Variants in RBPJ observed in about 807,000 individuals in gnomAD.
The protein encoded by RBPJ is recombining binding protein suppressor of hairless.
A neutral mutation model predicts 67.8 loss-of-function variants in RBPJ; 9 were observed. The ratio of observed to expected loss-of-function variants is 0.13; its 90% confidence interval spans 0.08 to 0.23. RBPJ has a LOEUF of 0.23. Among genes scored for constraint, RBPJ ranks in the 10% least tolerant of loss-of-function variants. RBPJ has a pLI of 1.00. For synonymous variants in RBPJ, 198 were observed against 203.3 expected (o/e 0.97, Z 0.22); for missense variants, 305 against 595.6 (o/e 0.51, Z 5.08).
At chr4:26,280,501 C>T (rs200667595) in intron 1 of RBPJ, among the ~76,000 whole-genome samples, 2 of 151,780 alleles carry the variant, frequency 1.3e-5, no homozygotes, top group East Asian at 3.9e-4. Flanking sequence ...CTTAAGGAGA[C>T]CATACTTTTT....
chr4:26,109,523 C>CATATAT, the RBPJ span, among the ~76,000 whole-genome samples: 505 of 44,190 alleles, frequency 0.011, 19 homozygotes, highest in Non-Finnish European at 0.02. Context: ...TACACACACA[C>CATATAT]ATATATATAT....
At chr4:26,281,667 G>C (rs1441007455) in intron 1 of RBPJ, among the ~76,000 whole-genome samples, 2 of 152,258 alleles carry the variant, frequency 1.3e-5, no homozygotes, top group Admixed American at 1.3e-4. Flanking sequence ...ATTCTTTGCA[G>C]TCACTTTTAG....
intron 1 of RBPJ, among the ~76,000 whole-genome samples, chr4:26,354,175 C>T (rs1455018970): frequency 6.6e-6 from 1 of 152,050 alleles, no homozygotes; most frequent in Non-Finnish European, 1.5e-5. Flanking sequence ...TCGTGATCCA[C>T]CCGCCTCGGC....
rs1331232999 is a variant in RBPJ, at chr4:26,430,481, A to G, written c.1107A>G (p.Leu369=). ...CAGGACAGAATTTCACTCCAAATTTACGAGTGTGGTTTGGGGATGTAGAAG... is the reference window on the plus strand; with the variant it reads ...CAGGACAGAATTTCACTCCAAATTTGCGAGTGTGGTTTGGGGATGTAGAAG... ...ELTGQNFTPN[L]RVWFGDVEAE... is the part of the protein sequence containing the mutation. Residue 369 remains leucine, a synonymous_variant, in exon 10 of 11, where the codon TTA becomes TTG. Coordinates refer to ENST00000355476, the MANE Select transcript of RBPJ (RefSeq NM_015874.6). The surrounding 1 kb of genome is among the most constrained non-coding windows in gnomAD (Gnocchi z 4.1). 1.2e-6 allele frequency: 2 copies of G among 1,608,246 alleles called. No individual in the cohort carries two copies. Among genetic ancestry groups the G allele is most frequent in the East Asian group, 2.2e-5 (1 of 44,854 alleles).
chr4:26,217,995 AT>A (rs952159112), intron 1 of RBPJ, among the ~76,000 whole-genome samples: 4 of 152,184 alleles, frequency 2.6e-5, no homozygotes, highest in Non-Finnish European at 5.9e-5. Context: ...AGACCGGGGC[AT>A]TTCCACCTTA....
intron 1 of RBPJ, among the ~76,000 whole-genome samples, chr4:26,245,460 G>A (rs1719897943): frequency 6.6e-6 from 1 of 152,036 alleles, no homozygotes; most frequent in Admixed American, 6.6e-5. Flanking sequence ...ACCTGCCTCA[G>A]ACTCCCAAAG....
intron 2 of RBPJ, among the ~76,000 whole-genome samples, chr4:26,398,278 C>G (rs915470002): frequency 4.6e-5 from 7 of 152,156 alleles, no homozygotes; most frequent in African/African-American, 1.4e-4. Flanking sequence ...CCTCTTCCCT[C>G]TCTCCCACAC....
the RBPJ span, among the ~76,000 whole-genome samples, chr4:26,109,660 C>CTATA: frequency 3.6e-5 from 3 of 84,346 alleles, no homozygotes; most frequent in Non-Finnish European, 7.3e-5. Context: ...CTCTCTCTCT[C>CTATA]TCTCTCTCTA....
intron 1 of RBPJ, among the ~76,000 whole-genome samples, chr4:26,256,692 T>C (rs1252320673): frequency 6.6e-6 from 1 of 152,200 alleles, no homozygotes; most frequent in Admixed American, 6.5e-5. Flanking sequence ...TCAGTATCAG[T>C]TGTAAGGACG....
intron 1 of RBPJ, among the ~76,000 whole-genome samples, chr4:26,180,655 A>G (rs1716951282): frequency 1.3e-5 from 2 of 152,214 alleles, no homozygotes; most frequent in South Asian, 4.1e-4. Context: ...CAAAGGCCTC[A>G]TCTCCCAATA....
At chr4:26,147,584 C>T in the RBPJ span, among the ~76,000 whole-genome samples, 1 of 152,178 alleles carries the variant, frequency 6.6e-6, no homozygotes, top group African/African-American at 2.4e-5. Flanking sequence ...GAGTGAAACT[C>T]CCAAAGGAGG....
chr4:26,362,654 C>T (rs1442090234), intron 1 of RBPJ: 1 of 1,593,638 alleles, frequency 6.3e-7, no homozygotes, highest in East Asian at 2.2e-5. Context: ...CTCCCAGTGA[C>T]CCCAAGGTCA....
intron 1 of RBPJ, among the ~76,000 whole-genome samples, chr4:26,347,442 G>A (rs1726280330): frequency 6.6e-6 from 1 of 152,216 alleles, no homozygotes; most frequent in Non-Finnish European, 1.5e-5. Flanking sequence ...AGCCTCAATA[G>A]TAGAGCATTA....
At chr4:26,274,658 G>A (rs535412090) in intron 1 of RBPJ, among the ~76,000 whole-genome samples, 17 of 151,524 alleles carry the variant, frequency 1.1e-4, no homozygotes, top group South Asian at 4.2e-4. Context: ...GAAGAAGGCT[G>A]GGCACAGTGG....
At chr4:26,352,802 C>G (rs141569030) in intron 1 of RBPJ, among the ~76,000 whole-genome samples, 1 of 152,324 alleles carries the variant, frequency 6.6e-6, no homozygotes, top group African/African-American at 2.4e-5. Flanking sequence ...CTTGTTTTGT[C>G]TAATGCCTGC....
At chr4:26,109,460 C>CTATATATATATATATA in the RBPJ span, among the ~76,000 whole-genome samples, 2 of 14,698 alleles carry the variant, frequency 1.4e-4, no homozygotes, top group South Asian at 5.9e-3. Context: ...CTCTCTCTCT[C>CTATATATATATATATA]TATATATATA....
At chr4:26,244,932 T>G (rs898944475) in intron 1 of RBPJ, among the ~76,000 whole-genome samples, 3 of 151,894 alleles carry the variant, frequency 2.0e-5, no homozygotes, top group African/African-American at 7.2e-5. Context: ...TAATTTCTAA[T>G]AAGAATAGTT....
At chr4:26,192,065 G>A in intron 1 of RBPJ, among the ~76,000 whole-genome samples, 1 of 145,998 alleles carries the variant, frequency 6.8e-6, no homozygotes, top group Non-Finnish European at 1.5e-5. Flanking sequence ...CTGGAGTGCT[G>A]TGGCACAATC....
At chr4:26,369,485 CTTTG>C (rs982158039) in intron 1 of RBPJ, among the ~76,000 whole-genome samples, 28 of 152,214 alleles carry the variant, frequency 1.8e-4, no homozygotes, top group African/African-American at 4.3e-4. Flanking sequence ...GGGATTTTTT[CTTTG>C]TTTGTTTTTG....
Sources: allele counts gnomAD v4.1 joint callset (sites outside exome capture counted in the v4.1 genomes callset), GRCh38; gene constraint gnomAD v4.1.1; non-coding constraint Gnocchi (gnomAD v3.1); transcripts MANE v1.5; gene names NCBI Gene and HGNC (gene_info 2026-07-23, HGNC 2026-07-21).